Variants in KCNIP3 observed in about 807,000 individuals in gnomAD.
KCNIP3 encodes the protein potassium voltage-gated channel interacting protein 3, also known as calsenilin.
KCNIP3 carries 28 observed loss-of-function variants against 35.0 expected under a neutral mutation model. The ratio of observed to expected loss-of-function variants is 0.80; its 90% CI spans 0.59 to 1.10. The LOEUF is 1.10. KCNIP3 is among the 50% of genes least tolerant of loss of function. The probability of loss-of-function intolerance (pLI) is 0.00; values close to 1 mark genes in which losing one functional copy is unlikely to be tolerated. For missense variants in KCNIP3, 295 were observed against 338.4 expected, an observed-to-expected ratio of 0.87 and a Z score of 1.01; for synonymous variants, 134 against 133.8, an observed-to-expected ratio of 1.00 and a Z score of -0.01.
chr2:95,306,264 G>A (rs1036546575), intron 1 of KCNIP3, among the ~76,000 whole-genome samples: 1 of 152,202 alleles, frequency 6.6e-6, no homozygotes, highest in African/African-American at 2.4e-5. Context: ...ATCTCTTCCC[G>A]CCGCCTTTGC....
chr2:95,374,708 AC>A, intron 3 of KCNIP3, 139 bp from the exon 4 acceptor site: 1 of 992,796 alleles, frequency 1.0e-6, no homozygotes, highest in Admixed American at 2.1e-5. Context: ...GCTTTCCACA[AC>A]CCAGGCCAGG....
At chr2:95,305,461 T>G (rs1678143349) in intron 1 of KCNIP3, among the ~76,000 whole-genome samples, 1 of 152,200 alleles carries the variant, frequency 6.6e-6, no homozygotes, top group Non-Finnish European at 1.5e-5. Flanking sequence ...CTGGAGTGTC[T>G]GCAATGATGC....
intron 2 of KCNIP3, among the ~76,000 whole-genome samples, chr2:95,341,146 G>A (rs1573500620): frequency 1.3e-5 from 2 of 152,280 alleles, no homozygotes; most frequent in African/African-American, 2.4e-5. Flanking sequence ...TCATGGCGTT[G>A]TTTCTCATTG....
chr2:95,333,184 C>T (rs765681668), intron 2 of KCNIP3, among the ~76,000 whole-genome samples: 2 of 152,188 alleles, frequency 1.3e-5, no homozygotes, highest in Non-Finnish European at 2.9e-5. Context: ...GAGGATAAAT[C>T]CCCGGCCACA....
intron 2 of KCNIP3, among the ~76,000 whole-genome samples, chr2:95,329,067 T>C (rs1465593423): frequency 6.6e-6 from 1 of 152,158 alleles, no homozygotes; most frequent in African/African-American, 2.4e-5. Context: ...TCACCATGCC[T>C]CTCTTGGCCT....
chr2:95,379,474 G>C (rs1157317228), intron 5 of KCNIP3, among the ~76,000 whole-genome samples: 6 of 152,196 alleles, frequency 3.9e-5, no homozygotes, highest in Non-Finnish European at 5.9e-5. Flanking sequence ...GGTGCCTCTG[G>C]GGCTTCCTCC....
At chr2:95,355,028 C>T (rs1679621487) in intron 2 of KCNIP3, 1 of 152,296 alleles carries the variant, frequency 6.6e-6, no homozygotes, top group Non-Finnish European at 1.5e-5. Flanking sequence ...CCAATCTTGT[C>T]CTCATGAGCA....
chr2:95,352,128 T>G (rs564052539), intron 2 of KCNIP3, among the ~76,000 whole-genome samples: 13 of 152,280 alleles, frequency 8.5e-5, no homozygotes, highest in Non-Finnish European at 1.8e-4. Context: ...CCGGGCATGG[T>G]GGCGGGCGTC....
intron 2 of KCNIP3, among the ~76,000 whole-genome samples, chr2:95,325,236 A>G (rs1268099461): frequency 1.3e-5 from 2 of 152,172 alleles, no homozygotes; most frequent in Admixed American, 6.5e-5. Context: ...GGGCCTGAGC[A>G]TTGACCGGAA....
intron 2 of KCNIP3, among the ~76,000 whole-genome samples, chr2:95,325,961 A>T (rs1431863063): frequency 2.6e-5 from 4 of 151,454 alleles, no homozygotes; most frequent in African/African-American, 2.4e-5. Flanking sequence ...ACATACACAC[A>T]CTCATAGGCA....
At chr2:95,380,338 C>T (rs991044077) in intron 5 of KCNIP3, among the ~76,000 whole-genome samples, 3 of 152,146 alleles carry the variant, frequency 2.0e-5, no homozygotes, top group Non-Finnish European at 2.9e-5. Context: ...TCTTCCAAAT[C>T]GCTTTCCTCT....
intron 2 of KCNIP3, among the ~76,000 whole-genome samples, chr2:95,343,822 A>C (rs1679276721): frequency 6.6e-6 from 1 of 152,168 alleles, no homozygotes; most frequent in South Asian, 2.1e-4. Flanking sequence ...ACTGGATGGC[A>C]GCTTCAATAT....
At chr2:95,329,420 C>T (rs559992955) in intron 2 of KCNIP3, among the ~76,000 whole-genome samples, 9 of 152,364 alleles carry the variant, frequency 5.9e-5, no homozygotes, top group South Asian at 2.1e-4. Context: ...GACTGGCATT[C>T]GCTGGGCACT....
rs574867250 is a variant in KCNIP3 at position 95,348,300 on chromosome 2, G to A, written c.182-25996G>A. Among the ~76,000 whole-genome samples, 55 of 152,376 alleles carry A rather than the reference G, an allele frequency of 3.6e-4. 1 individual carries two copies. The highest frequency in any genetic ancestry group is 6.8e-3 in the Middle Eastern group (2 of 294). The stretch of plus-strand genomic sequence containing the variant: ...CCCTGGCAGGAGGAATCTGTGACAG[G>A]GAACTTCGTGGGACATACAGGTGCT... On this transcript the variant is annotated intron_variant, in intron 2 of 8. Coordinates refer to ENST00000295225, the MANE Select transcript of KCNIP3 (RefSeq NM_013434.5).
chr2:95,313,989 A>T (rs1678391611), intron 2 of KCNIP3: 1 of 152,124 alleles, frequency 6.6e-6, no homozygotes, highest in Non-Finnish European at 1.5e-5. Context: ...ACACATGAGC[A>T]CACACACACG....
chr2:95,373,462 A>G (rs1198878404), intron 2 of KCNIP3, among the ~76,000 whole-genome samples: 1 of 109,614 alleles, frequency 9.1e-6, no homozygotes, highest in African/African-American at 3.6e-5. Context: ...TTGCTCTGTC[A>G]CCCAGGCTGG....
intron 2 of KCNIP3, among the ~76,000 whole-genome samples, chr2:95,336,513 A>C (rs953605234): frequency 2.6e-5 from 4 of 152,226 alleles, no homozygotes; most frequent in African/African-American, 9.6e-5. Flanking sequence ...CTGCTTACTT[A>C]AACATCTGAG....
intron 2 of KCNIP3, among the ~76,000 whole-genome samples, chr2:95,320,712 C>G (rs540846874): frequency 6.6e-6 from 1 of 152,264 alleles, no homozygotes; most frequent in East Asian, 1.9e-4. Context: ...TCCAGGAGTA[C>G]GTCAGACCCA....
At chr2:95,352,340 G>C (rs377128923) in intron 2 of KCNIP3, among the ~76,000 whole-genome samples, 12 of 152,288 alleles carry the variant, frequency 7.9e-5, no homozygotes, top group South Asian at 4.2e-4. Context: ...TAGCAGGTCA[G>C]GGAGAAAGAG....
Sources: gnomAD v4.1 joint callset for allele counts (sites outside exome capture counted in the v4.1 genomes callset) on GRCh38, gnomAD v4.1.1 for gene constraint, MANE v1.5 for transcripts, NCBI Gene and HGNC (gene_info 2026-07-23, HGNC 2026-07-21) for gene names.